Variants in THBS2 observed in about 807,000 individuals in gnomAD.
The protein encoded by THBS2 is thrombospondin-2.
THBS2 carries 47 observed loss-of-function variants against 135.2 expected under a neutral mutation model. The ratio of observed to expected loss-of-function variants is 0.35; its 90% confidence interval spans 0.28 to 0.44. THBS2 has a LOEUF of 0.44. Ranked by LOEUF, THBS2 falls within the 20% of genes least tolerant of loss-of-function variation. The probability of loss-of-function intolerance (pLI) is 1.00; values close to 1 mark genes in which losing one functional copy is unlikely to be tolerated. For synonymous variants in THBS2, 639 were observed against 633.8 expected (o/e 1.01, Z -0.12); for missense variants, 1,288 against 1,603.1 (o/e 0.80, Z 3.36).
Position 169,234,803 on chromosome 6 carries a change from A to G in THBS2, c.1582T>C (p.Tyr528His), listed in dbSNP as rs1779974881. 4 of 1,611,562 alleles carry G rather than the reference A, an allele frequency of 2.5e-6. No individual in the cohort carries two copies. The highest frequency in any genetic ancestry group is 3.4e-6 in the Non-Finnish European group (4 of 1,178,958). The change falls in exon 10 of 22, where the codon TAC becomes CAC. Residue 528 changes from tyrosine to histidine, a missense_variant. Physicochemically the swap from Tyr to His is moderately conservative, Grantham distance 83 (BLOSUM62 2). Transcript: ENST00000617924. ...TCCCCCACGCAGGCCTTCCCTCCGTACTGAGGCTCAGGGCTGTTGCAGACC... is the reference window on the plus strand; with the variant it reads ...TCCCCCACGCAGGCCTTCCCTCCGTGCTGAGGCTCAGGGCTGTTGCAGACC... ...TRVCNSPEPQYGGKACVGDVQ... is the reference protein window; with the variant it reads ...TRVCNSPEPQHGGKACVGDVQ...
Position 169,237,763 on chromosome 6 carries a change from C to G in THBS2, c.1162G>C (p.Ala388Pro), listed in dbSNP as rs761646500. The change falls in exon 8 of 22, where the codon GCA becomes CCA. Residue 388 changes from alanine to proline, a missense_variant. By Grantham distance (27) the Ala-to-Pro change is conservative. Around this residue, in one of 2 missense-constraint regions of THBS2, gnomAD observed 874 missense variants for 1,156.1 expected, o/e 0.76. Coordinates refer to ENST00000617924, the MANE Select transcript of THBS2 (RefSeq NM_003247.5). ...VDGEEGWSPW[A>P]EWTQCSVTCG... ...GTCACGGAGCACTGGGTCCACTCTG[C>G]CCACGGAGACCAGCCCTCCTCACCG... 1 of 1,611,404 alleles carries G rather than the reference C, an allele frequency of 6.2e-7. No individual in the cohort carries two copies. The highest frequency in any genetic ancestry group is 2.2e-5 in the East Asian group (1 of 44,874).
chr6:169,233,534 G>A (rs905262189), intron 10 of THBS2, among the ~76,000 whole-genome samples: 1 of 134,934 alleles, frequency 7.4e-6, no homozygotes, highest in Admixed American at 7.5e-5. Context: ...GTGCCACACT[G>A]CACAACTACC....
At chr6:169,237,446 G>A (rs906335814) in intron 8 of THBS2, 100 bp from the exon 9 acceptor site, 23 of 1,510,282 alleles carry the variant, frequency 1.5e-5, no homozygotes, top group Middle Eastern at 1.9e-4. Flanking sequence ...CACAGCTGCT[G>A]AGGAGAGGGA....
At position 169,252,818 on chromosome 6, in the gene THBS2, A is replaced by T. The variant is rs1196660401; in HGVS notation, c.-23+906T>A. On this transcript the variant is annotated intron_variant, in intron 1 of 21. Coordinates refer to ENST00000617924, the MANE Select transcript of THBS2 (RefSeq NM_003247.5). This position sits in a 1 kb window ranked among gnomAD's most constrained non-coding sequence, Gnocchi z 4.3. ...AAGAAAGATTTCGGTGCCTGTCTGCAGCAGAATGTAGTTTGAATTTGCAAA... is the reference window on the plus strand; with the variant it reads ...AAGAAAGATTTCGGTGCCTGTCTGCTGCAGAATGTAGTTTGAATTTGCAAA... Among the ~76,000 whole-genome samples, 7 of 152,350 alleles carry T rather than the reference A, an allele frequency of 4.6e-5. No individual in the cohort carries two copies. The highest frequency in any genetic ancestry group is 8.8e-5 in the Non-Finnish European group (6 of 68,036).
At chr6:169,220,019 A>T (rs1209049899) in intron 21 of THBS2, among the ~76,000 whole-genome samples, 179 bp downstream of exon 21, 2 of 152,082 alleles carry the variant, frequency 1.3e-5, no homozygotes, top group Non-Finnish European at 2.9e-5. Context: ...AAACAAAACA[A>T]TCCAAGCTGA....
At chr6:169,230,186 T>C (rs1200365127) in intron 13 of THBS2, among the ~76,000 whole-genome samples, 1 of 151,098 alleles carries the variant, frequency 6.6e-6, no homozygotes, top group Admixed American at 6.6e-5. Flanking sequence ...CTAACTCAGC[T>C]TTTCACGGTG....
intron 9 of THBS2, among the ~76,000 whole-genome samples, chr6:169,236,850 A>T (rs1304697701): frequency 7.6e-6 from 1 of 131,264 alleles, no homozygotes; most frequent in Non-Finnish European, 1.6e-5. Flanking sequence ...ATCCACACTC[A>T]CTCCCCCATC....
At position 169,246,300 on chromosome 6, in the gene THBS2, A is replaced by G. The variant is rs756226024; in HGVS notation, c.610-19T>C. 6.3e-7 allele frequency: 1 copy of G among 1,592,198 alleles called. No homozygotes were observed. Among genetic ancestry groups the G allele is most frequent in the East Asian group, 2.2e-5 (1 of 44,714 alleles). ...GCAAACCCTGTAAGTATACACAAGC[A>G]GAAAAATAGAGCAACAGATAAACAT... On this transcript the variant is annotated intron_variant, in intron 3 of 21. Transcript: ENST00000617924.
chr6:169,248,127 G>C (rs2115033711), intron 3 of THBS2, among the ~76,000 whole-genome samples: 1 of 151,648 alleles, frequency 6.6e-6, no homozygotes, highest in South Asian at 2.1e-4. Context: ...TGCAGTGTTT[G>C]TGTATATGTC....
At position 169,223,444 on chromosome 6, in the gene THBS2, A is replaced by C; in HGVS notation, c.2805T>G (p.Asp935Glu). ...GDGRGDICKDDFDNDNIPDID... is the reference protein window; with the variant it reads ...GDGRGDICKDEFDNDNIPDID... ...TATCTGGGATGTTGTCATTGTCAAA[A>C]TCATCTTTACAAATATCACCCCGTC... The change falls in exon 18 of 22, where the codon GAT (aspartate) becomes GAG (glutamate). Residue 935 changes from aspartate (D) to glutamate (E), a missense_variant. Physicochemically the swap from Asp to Glu is conservative, Grantham distance 45 (BLOSUM62 2). Around this residue, in one of 2 missense-constraint regions of THBS2, gnomAD observed 874 missense variants for 1,156.1 expected, o/e 0.76. Coordinates refer to ENST00000617924, the MANE Select transcript of THBS2 (RefSeq NM_003247.5). The C allele has an allele frequency of 6.2e-7, 1 of 1,614,146 alleles. No homozygotes were observed. The highest frequency in any genetic ancestry group is 8.5e-7 in the Non-Finnish European group (1 of 1,180,040).
rs772216910 is a variant in THBS2 at position 169,229,658 on chromosome 6, T to C, written c.2173A>G (p.Asn725Asp). 1 of 1,614,032 alleles carries C rather than the reference T, an allele frequency of 6.2e-7. No homozygotes were observed. The highest frequency in any genetic ancestry group is 1.7e-5 in the Admixed American group (1 of 60,030). The part of the protein sequence containing the change: ...CIKDNCPHLP[N>D]SGQEDFDKDG... Reference sequence around the variant, plus strand: ...TTGTCAAAGTCTTCCTGCCCAGAATTTGGCAGATGGGGGCAGTTATCCTGC... The same window carrying C: ...TTGTCAAAGTCTTCCTGCCCAGAATCTGGCAGATGGGGGCAGTTATCCTGC... The change falls in exon 14 of 22, where the codon AAT becomes GAT. Residue 725 changes from asparagine (N) to aspartate (D), a missense_variant. Physicochemically the swap from Asn to Asp is conservative, Grantham distance 23 (BLOSUM62 1). This residue lies in a region of THBS2 where 874 missense variants were observed against 1,156.1 expected (regional missense o/e 0.76). Transcript: ENST00000617924.
intron 21 of THBS2, among the ~76,000 whole-genome samples, chr6:169,219,110 AGTAG>A (rs1288024776): frequency 2.1e-5 from 3 of 143,052 alleles, no homozygotes; most frequent in South Asian, 2.3e-4. Flanking sequence ...TGGATGGATG[AGTAG>A]GTAGGTGAGT....
chr6:169,232,688 C>T lies in THBS2; in HGVS notation c.1908G>A (p.Leu636=), dbSNP rs1265099507. The change falls in exon 12 of 22, where the codon CTG becomes CTA. Residue 636 remains leucine, a synonymous_variant. Transcript: ENST00000617924. ...CTTGCTTTTCCGTCTTGGCTGCTTC[C>T]AGGCCGACCCCGACGGGCTGGTTCC... is the stretch of plus-strand genomic sequence containing the variant. ...YRGNQPVGVG[L]EAAKTEKQVC... 2.5e-6 allele frequency: 4 copies of T among 1,609,230 alleles called. No individual in the cohort carries two copies. The highest frequency in any genetic ancestry group is 2.5e-6 in the Non-Finnish European group (3 of 1,178,088).
chr6:169,229,102 A>T (rs1443853652), intron 14 of THBS2, among the ~76,000 whole-genome samples: 1 of 152,360 alleles, frequency 6.6e-6, no homozygotes, highest in East Asian at 1.9e-4. Context: ...AATGTCTCCC[A>T]TCAAAGTCAG....
At chr6:169,249,852 A>C (rs559933390) in intron 2 of THBS2, among the ~76,000 whole-genome samples, 1 of 152,280 alleles carries the variant, frequency 6.6e-6, no homozygotes, top group Non-Finnish European at 1.5e-5. Flanking sequence ...AACGTGGTGA[A>C]ACCCCGTCTC....
At chr6:169,249,157 C>T (rs1356835303) in intron 2 of THBS2, among the ~76,000 whole-genome samples, 184 bp from the exon 3 acceptor site, 1 of 152,200 alleles carries the variant, frequency 6.6e-6, no homozygotes, top group Non-Finnish European at 1.5e-5. Flanking sequence ...CACTATCCTC[C>T]GTGCCAGTGC....
At position 169,248,175 on chromosome 6, in the gene THBS2, TTG is replaced by T. The variant is rs141353005; in HGVS notation, c.609+240_609+241del. Reference sequence around the variant, plus strand: ...TTCATGTGTTTGTGAGCATGTGTGTTTGTGTGTGTGTGTGGTGTGTGTGCATG... The same window carrying T: ...TTCATGTGTTTGTGAGCATGTGTGTTTGTGTGTGTGTGGTGTGTGTGCATG... On this transcript the variant is annotated intron_variant, in intron 3 of 21. Coordinates refer to ENST00000617924, the MANE Select transcript of THBS2 (RefSeq NM_003247.5). 4.1e-3 allele frequency among the ~76,000 whole-genome samples: 614 copies of T among 149,590 alleles called. 3 individuals carry two copies. Among genetic ancestry groups the T allele is most frequent in the Non-Finnish European group, 7.1e-3 (475 of 67,078 alleles).
Position 169,217,531 on chromosome 6 carries a change from C to T in THBS2, c.*291G>A. The T allele has an allele frequency of 2.4e-6, 1 of 416,284 alleles. No individual in the cohort carries two copies. Among genetic ancestry groups the T allele is most frequent in the African/African-American group, 2.0e-5 (1 of 49,128 alleles). The allele number at this position is 416,284 out of a possible 1,614,324, so 25.8% of individuals were successfully genotyped here. On this transcript the variant is annotated 3_prime_UTR_variant, in exon 22 of 22. Transcript: ENST00000617924. Reference sequence around the variant, plus strand: ...GTAAACGTCATTCTTTTTAAACAAACAAGAAAAAGCAATGTAATGGCATGC... The same window carrying T: ...GTAAACGTCATTCTTTTTAAACAAATAAGAAAAAGCAATGTAATGGCATGC...
chr6:169,219,242 TTAGATGGA>T (rs1779324117), intron 21 of THBS2, among the ~76,000 whole-genome samples: 2 of 135,454 alleles, frequency 1.5e-5, no homozygotes, highest in Non-Finnish European at 3.2e-5. Context: ...GGTGGATGGA[TTAGATGGA>T]TAGGTGGATG....
Sources: allele counts gnomAD v4.1 joint callset (sites outside exome capture counted in the v4.1 genomes callset), GRCh38; gene constraint gnomAD v4.1.1; regional missense constraint gnomAD v4.1.1; non-coding constraint Gnocchi (gnomAD v3.1); transcripts MANE v1.5; gene names NCBI Gene and HGNC (gene_info 2026-07-23, HGNC 2026-07-21).